Variants in GPR39 observed in about 807,000 individuals in gnomAD.
GPR39 encodes G protein-coupled receptor 39.
A neutral mutation model predicts 18.4 loss-of-function variants in GPR39; 23 were observed. That is an observed-to-expected ratio of 1.25 (90% CI 0.90 to 1.77). The LOEUF (loss-of-function observed/expected upper bound fraction) is 1.77, where lower values mean the gene tolerates loss of function less well. Ranked by LOEUF, GPR39 falls within the 40% of genes most tolerant of loss-of-function variation. The pLI is 0.00. For missense variants in GPR39, 647 were observed against 602.4 expected (o/e 1.07, Z -0.78); for synonymous variants, 280 against 257.9 (o/e 1.09, Z -0.82).
chr2:132,645,434 G>A lies in GPR39; in HGVS notation c.1190G>A (p.Arg397Gln), dbSNP rs1682009454. The A allele has an allele frequency of 1.9e-6, 3 of 1,613,520 alleles. No homozygotes were observed. Among genetic ancestry groups the A allele is most frequent in the African/African-American group, 2.7e-5 (2 of 75,046 alleles). Residue 397 changes from arginine (R) to glutamine (Q), a missense_variant, in exon 2 of 2, where the codon CGG becomes CAG. Arg to Gln is a conservative substitution (Grantham distance 43). Coordinates refer to ENST00000329321, the MANE Select transcript of GPR39 (RefSeq NM_001508.3). ...FVQRPLLFAS[R>Q]RQSSARRTEK... ...CAGCGCCCGTTGCTCTTCGCGTCCC[G>A]GCGCCAGTCCTCTGCAAGGAGAACT...
chr2:132,593,010 A>G (rs1203809405), intron 1 of GPR39, among the ~76,000 whole-genome samples: 1 of 152,200 alleles, frequency 6.6e-6, no homozygotes, highest in Non-Finnish European at 1.5e-5. Context: ...CACCAGCAAG[A>G]CCCACAGAAT....
At chr2:132,549,516 C>T (rs546192328) in intron 1 of GPR39, among the ~76,000 whole-genome samples, 19 of 152,268 alleles carry the variant, frequency 1.2e-4, no homozygotes, top group African/African-American at 3.1e-4. Flanking sequence ...AGGTCGGGCA[C>T]GGTGGCTCAC....
chr2:132,514,093 G>A (rs908539319), intron 1 of GPR39, among the ~76,000 whole-genome samples: 1 of 152,086 alleles, frequency 6.6e-6, no homozygotes, highest in African/African-American at 2.4e-5. Flanking sequence ...CGGGGATGGG[G>A]GTTGGCCTGC....
chr2:132,644,196 A>G (rs1042619885), intron 1 of GPR39, among the ~76,000 whole-genome samples: 1 of 152,214 alleles, frequency 6.6e-6, no homozygotes, highest in Admixed American at 6.5e-5. Flanking sequence ...AGAATTGCAG[A>G]ACTGGTGGTG....
intron 1 of GPR39, among the ~76,000 whole-genome samples, chr2:132,609,477 G>A (rs1020888959): frequency 3.9e-5 from 6 of 152,188 alleles, no homozygotes; most frequent in African/African-American, 1.4e-4. Flanking sequence ...GTTGGAAACC[G>A]AGGGGTGCAA....
intron 1 of GPR39, among the ~76,000 whole-genome samples, chr2:132,425,107 C>A (rs1470700472): frequency 1.3e-5 from 2 of 152,188 alleles, no homozygotes; most frequent in African/African-American, 4.8e-5. Flanking sequence ...CCAGCTACGA[C>A]CAACTCATAT....
At chr2:132,634,587 GC>G (rs774137785) in intron 1 of GPR39, among the ~76,000 whole-genome samples, 1 of 152,148 alleles carries the variant, frequency 6.6e-6, no homozygotes, top group Non-Finnish European at 1.5e-5. Context: ...ATTCCCTGAG[GC>G]CACACAGCAT....
At chr2:132,533,251 T>G (rs1679675709) in intron 1 of GPR39, among the ~76,000 whole-genome samples, 1 of 151,956 alleles carries the variant, frequency 6.6e-6, no homozygotes, top group Non-Finnish European at 1.5e-5. Flanking sequence ...CACAATTGCT[T>G]CAAAGAGAAT....
In GPR39 at chr2:132,645,416, C is replaced by T. The variant is rs200090353; in HGVS notation, c.1172C>T (p.Pro391Leu). The change falls in exon 2 of 2, where the codon CCG becomes CTG. Residue 391 changes from proline (P) to leucine (L), a missense_variant. Around this residue, in one of 3 missense-constraint regions of GPR39, gnomAD observed 581 missense variants for 506.8 expected, o/e 1.15. Transcript: ENST00000329321. Reference protein sequence around the residue: ...TTDSARFVQRPLLFASRRQSS... With the variant: ...TTDSARFVQRLLLFASRRQSS... Reference sequence around the variant, plus strand: ...GACAGCGCCCGCTTTGTGCAGCGCCCGTTGCTCTTCGCGTCCCGGCGCCAG... The same window carrying T: ...GACAGCGCCCGCTTTGTGCAGCGCCTGTTGCTCTTCGCGTCCCGGCGCCAG... 33 of 1,613,446 alleles carry T rather than the reference C, an allele frequency of 2.0e-5. No homozygotes were observed. Among genetic ancestry groups the T allele is most frequent in the South Asian group, 1.6e-4 (15 of 91,084 alleles).
At position 132,429,728 on chromosome 2, in the gene GPR39, A is replaced by G. The variant is rs182370706; in HGVS notation, c.856+11830A>G. On this transcript the variant is annotated intron_variant, in intron 1 of 1. Transcript: ENST00000329321. Reference sequence around the variant, plus strand: ...AGCCAGATGTTTGCAGCACCTCTACATTGGTGCATTCTGATGGGATAACCT... The same window carrying G: ...AGCCAGATGTTTGCAGCACCTCTACGTTGGTGCATTCTGATGGGATAACCT... Among the ~76,000 whole-genome samples the G allele has an allele frequency of 3.3e-5, 5 of 152,332 alleles. No homozygotes were observed. In the East Asian group the frequency reaches 9.6e-4, roughly 29 times the overall value.
intron 1 of GPR39, among the ~76,000 whole-genome samples, chr2:132,483,783 A>G (rs1020677122): frequency 2.6e-5 from 4 of 152,094 alleles, no homozygotes; most frequent in African/African-American, 9.7e-5. Context: ...AAGCCTCAAG[A>G]ATGTTTGTGG....
At chr2:132,550,140 G>A (rs1199934942) in intron 1 of GPR39, among the ~76,000 whole-genome samples, 1 of 152,034 alleles carries the variant, frequency 6.6e-6, no homozygotes, top group Admixed American at 6.6e-5. Flanking sequence ...CAATGAATAT[G>A]CAAATAGCAT....
chr2:132,522,821 C>T (rs1284759431), intron 1 of GPR39, among the ~76,000 whole-genome samples: 1 of 152,222 alleles, frequency 6.6e-6, no homozygotes. Flanking sequence ...ACCATTCCAA[C>T]CCTGTTGACT....
chr2:132,568,381 A>T (rs755398186), intron 1 of GPR39, among the ~76,000 whole-genome samples: 4 of 152,000 alleles, frequency 2.6e-5, no homozygotes, highest in African/African-American at 9.7e-5. Context: ...ATAGATTTCT[A>T]TGATGAGGTT....
chr2:132,482,444 T>C (rs1186620003), intron 1 of GPR39, among the ~76,000 whole-genome samples: 1 of 152,170 alleles, frequency 6.6e-6, no homozygotes, highest in Non-Finnish European at 1.5e-5. Flanking sequence ...GAGTGAGAGA[T>C]AGTAAAAGGC....
At chr2:132,517,950 C>A (rs1422633607) in intron 1 of GPR39, among the ~76,000 whole-genome samples, 1 of 152,130 alleles carries the variant, frequency 6.6e-6, no homozygotes. Flanking sequence ...CCCATAGGGG[C>A]TTTTTTTCCT....
chr2:132,421,092 G>A (rs1030100078), intron 1 of GPR39, among the ~76,000 whole-genome samples: 1 of 152,198 alleles, frequency 6.6e-6, no homozygotes, highest in African/African-American at 2.4e-5. Flanking sequence ...TCTTCTGGAG[G>A]AAAGGAACTG....
At chr2:132,564,810 C>CTTTCTTTTTTTTTTTT (rs1184406550) in intron 1 of GPR39, among the ~76,000 whole-genome samples, 1 of 95,440 alleles carries the variant, frequency 1.0e-5, no homozygotes, top group Non-Finnish European at 1.9e-5. Flanking sequence ...TTTCTTTTTT[C>CTTTCTTTTTTTTTTTT]TTTTTTTTTT....
At chr2:132,568,776 T>C (rs576143723) in intron 1 of GPR39, among the ~76,000 whole-genome samples, 17 of 152,116 alleles carry the variant, frequency 1.1e-4, no homozygotes, top group African/African-American at 2.7e-4. Flanking sequence ...AGCCCTCTAG[T>C]TGGGGAGAGG....
Sources: gnomAD v4.1 joint callset for allele counts (sites outside exome capture counted in the v4.1 genomes callset) on GRCh38, gnomAD v4.1.1 for gene constraint, gnomAD v4.1.1 regional missense constraint, MANE v1.5 for transcripts, NCBI Gene and HGNC (gene_info 2026-07-23, HGNC 2026-07-21) for gene names.